The following DGKB variants were observed in gnomAD, a reference collection of about 807,000 sequenced individuals.
DGKB encodes diacylglycerol kinase beta.
DGKB carries 67 observed loss-of-function variants against 114.3 expected under a neutral mutation model. That is an observed-to-expected ratio of 0.59 (90% CI 0.48 to 0.72). The LOEUF (loss-of-function observed/expected upper bound fraction) is 0.72. Ranked by LOEUF, DGKB falls within the 30% of genes least tolerant of loss-of-function variation. The pLI is 0.00. For synonymous variants in DGKB, 398 were observed against 323.1 expected (o/e 1.23, Z -2.49); for missense variants, 907 against 975.2 (o/e 0.93, Z 0.93).
chr7:14,881,161 C>T (rs944245862), intron 1 of DGKB, among the ~76,000 whole-genome samples: 64 of 152,188 alleles, frequency 4.2e-4, no homozygotes, highest in African/African-American at 1.5e-3. Flanking sequence ...AAAATTTTGC[C>T]AATCTGATGA....
intron 2 of DGKB, among the ~76,000 whole-genome samples, chr7:14,797,265 T>C (rs1251946272): frequency 6.6e-6 from 1 of 152,148 alleles, no homozygotes; most frequent in East Asian, 1.9e-4. Context: ...CTAGAACTCC[T>C]TGAATGAAAG....
intron 23 of DGKB, among the ~76,000 whole-genome samples, chr7:14,320,646 C>G (rs1318361332): frequency 6.6e-6 from 1 of 151,450 alleles, no homozygotes; most frequent in Non-Finnish European, 1.5e-5. Flanking sequence ...AGGGTCTGTC[C>G]TATAACTTAA....
At chr7:14,671,811 C>G (rs1397887997) in intron 13 of DGKB, among the ~76,000 whole-genome samples, 1 of 151,998 alleles carries the variant, frequency 6.6e-6, no homozygotes, top group Non-Finnish European at 1.5e-5. Context: ...TTCTAGAAGT[C>G]TTCAAGACAA....
Position 14,846,499 on chromosome 7 carries a change from G to C in DGKB, c.-187-5049C>G, listed in dbSNP as rs370672512. 3.3e-5 allele frequency among the ~76,000 whole-genome samples: 5 copies of C among 152,332 alleles called. No individual in the cohort carries two copies. The South Asian group carries it at 6.2e-4, about 19-fold the overall frequency. On this transcript the variant is annotated intron_variant, in intron 1 of 25. Transcript: ENST00000402815. ...AGGCACAGCTATATCTCATGCCTCA[G>C]AAGGTAATGAAAATGATGGCAGCAC...
At chr7:14,297,597 C>A (rs182664961) in intron 23 of DGKB, among the ~76,000 whole-genome samples, 1 of 152,274 alleles carries the variant, frequency 6.6e-6, no homozygotes, top group Admixed American at 6.5e-5. Context: ...CAGCCAATAT[C>A]ATACTGAATG....
At chr7:14,912,205 T>G (rs1387419616) in intron 1 of DGKB, among the ~76,000 whole-genome samples, 2 of 152,180 alleles carry the variant, frequency 1.3e-5, no homozygotes, top group Non-Finnish European at 2.9e-5. Flanking sequence ...TTGGAGGTGA[T>G]AAATTCCACA....
chr7:14,313,147 G>T (rs1255968798), intron 23 of DGKB, among the ~76,000 whole-genome samples: 1 of 152,118 alleles, frequency 6.6e-6, no homozygotes, highest in Non-Finnish European at 1.5e-5. Context: ...TAATGCCAAA[G>T]AATAATATCC....
At chr7:14,574,631 A>G (rs1798853455) in intron 19 of DGKB, among the ~76,000 whole-genome samples, 1 of 152,110 alleles carries the variant, frequency 6.6e-6, no homozygotes, top group Non-Finnish European at 1.5e-5. Context: ...CCAAGTGAAC[A>G]TTTCTACTGT....
chr7:14,499,099 G>T (rs1001672293), intron 20 of DGKB, among the ~76,000 whole-genome samples: 4 of 151,710 alleles, frequency 2.6e-5, no homozygotes, highest in South Asian at 2.1e-4. Context: ...TAACTCTGTG[G>T]TTCGGTTTTT....
At chr7:14,457,215 A>C (rs1295531378) in intron 21 of DGKB, among the ~76,000 whole-genome samples, 1 of 152,192 alleles carries the variant, frequency 6.6e-6, no homozygotes, top group South Asian at 2.1e-4. Context: ...GAGGGTATGT[A>C]AAAAGGACTG....
chr7:14,815,533 AT>A (rs1432743342), intron 2 of DGKB, among the ~76,000 whole-genome samples: 2 of 152,056 alleles, frequency 1.3e-5, no homozygotes, highest in East Asian at 1.9e-4. Context: ...CCACATGATT[AT>A]TTTTTTCTCT....
At chr7:14,660,361 C>G (rs536254860) in intron 13 of DGKB, among the ~76,000 whole-genome samples, 50 of 151,778 alleles carry the variant, frequency 3.3e-4, no homozygotes, top group South Asian at 6.3e-4. Context: ...TCCATCTGGT[C>G]CTGGACTCTT....
intron 20 of DGKB, among the ~76,000 whole-genome samples, chr7:14,497,024 A>C (rs1785398089): frequency 6.6e-6 from 1 of 151,822 alleles, no homozygotes; most frequent in South Asian, 2.1e-4. Context: ...AAATGAAATA[A>C]TGTCTTTTGC....
chr7:14,156,462 T>G (rs1783041759), intron 25 of DGKB, among the ~76,000 whole-genome samples: 1 of 152,116 alleles, frequency 6.6e-6, no homozygotes, highest in South Asian at 2.1e-4. Context: ...GTAAATAAAT[T>G]AATGTTGCCA....
chr7:14,818,780 A>G (rs1844509751), intron 2 of DGKB, among the ~76,000 whole-genome samples: 1 of 152,180 alleles, frequency 6.6e-6, no homozygotes, highest in African/African-American at 2.4e-5. Context: ...TGTTAATTGT[A>G]GCTGAATCTA....
chr7:14,419,730 A>C (rs1001760953), intron 21 of DGKB, among the ~76,000 whole-genome samples: 1 of 152,160 alleles, frequency 6.6e-6, no homozygotes, highest in African/African-American at 2.4e-5. Flanking sequence ...AGAGACATAC[A>C]GGCTCTCAGT....
At chr7:14,642,851 T>C (rs1470653040) in intron 13 of DGKB, among the ~76,000 whole-genome samples, 1 of 152,228 alleles carries the variant, frequency 6.6e-6, no homozygotes, top group African/African-American at 2.4e-5. Flanking sequence ...TAATTTCCCA[T>C]CCTCACTTTA....
chr7:14,562,761 T>C (rs1244539656), intron 20 of DGKB, among the ~76,000 whole-genome samples: 2 of 152,192 alleles, frequency 1.3e-5, no homozygotes, highest in African/African-American at 4.8e-5. Flanking sequence ...GCCTTTGATT[T>C]TACAGGCTCA....
chr7:14,401,054 A>G (rs960014998), intron 21 of DGKB, among the ~76,000 whole-genome samples: 4 of 151,872 alleles, frequency 2.6e-5, no homozygotes, highest in Non-Finnish European at 4.4e-5. Flanking sequence ...AACACCTTGC[A>G]TGACTTTATT....
Sources: gnomAD v4.1 joint callset for allele counts (sites outside exome capture counted in the v4.1 genomes callset) on GRCh38, gnomAD v4.1.1 for gene constraint, MANE v1.5 for transcripts, NCBI Gene and HGNC (gene_info 2026-07-23, HGNC 2026-07-21) for gene names.